The following CNTN5 variants were observed in gnomAD, a reference collection of about 807,000 sequenced individuals.
The protein encoded by CNTN5 is contactin-5.
CNTN5 carries 77 observed loss-of-function variants against 129.1 expected under a neutral mutation model. The observed-to-expected ratio is 0.60, with a 90% CI of 0.50 to 0.72. The LOEUF (loss-of-function observed/expected upper bound fraction) is 0.72, where lower values mean the gene tolerates loss of function less well. Among genes scored for constraint, CNTN5 ranks in the 30% least tolerant of loss-of-function variants. CNTN5 has a pLI of 0.00. For synonymous variants in CNTN5, 509 were observed against 465.6 expected, an observed-to-expected ratio of 1.09 and a Z score of -1.20; for missense variants, 1,478 against 1,328.8, an observed-to-expected ratio of 1.11 and a Z score of -1.75.
intron 7 of CNTN5, among the ~76,000 whole-genome samples, chr11:99,917,331 G>A (rs1949818785): frequency 6.6e-6 from 1 of 151,944 alleles, no homozygotes; most frequent in Admixed American, 6.6e-5. Context: ...ATCTATTCTT[G>A]CCTGCATCTA....
At chr11:99,481,466 C>A (rs1945598789) in intron 2 of CNTN5, among the ~76,000 whole-genome samples, 1 of 152,084 alleles carries the variant, frequency 6.6e-6, no homozygotes, top group African/African-American at 2.4e-5. Flanking sequence ...TCCCTAGCAT[C>A]CTGCACTGGT....
intron 2 of CNTN5, among the ~76,000 whole-genome samples, chr11:99,532,522 T>C (rs376763257): frequency 2.9e-4 from 44 of 152,212 alleles, no homozygotes; most frequent in African/African-American, 9.6e-4. Context: ...TGATATGGGT[T>C]GGCCATGTCT....
chr11:99,128,215 G>A (rs1166130671), intron 1 of CNTN5, among the ~76,000 whole-genome samples: 2 of 152,192 alleles, frequency 1.3e-5, no homozygotes, highest in Non-Finnish European at 2.9e-5. Flanking sequence ...GGCCAGCACA[G>A]CAGCCTGGAG....
chr11:99,626,185 C>T (rs556878632), intron 3 of CNTN5, among the ~76,000 whole-genome samples: 31 of 151,946 alleles, frequency 2.0e-4, no homozygotes, highest in African/African-American at 6.3e-4. Context: ...ACATTGAGCC[C>T]GGCTCTATGG....
At chr11:99,228,576 AC>A (rs1359680684) in intron 1 of CNTN5, among the ~76,000 whole-genome samples, 1 of 152,124 alleles carries the variant, frequency 6.6e-6, no homozygotes, top group Non-Finnish European at 1.5e-5. Flanking sequence ...TGTGTGTGTA[AC>A]AAAATGTTAC....
At chr11:99,856,818 A>AT (rs1287406648) in intron 6 of CNTN5, among the ~76,000 whole-genome samples, 2 of 152,230 alleles carry the variant, frequency 1.3e-5, no homozygotes, top group South Asian at 2.1e-4. Context: ...GGACTCTGTC[A>AT]TTTTTCCAGA....
rs1411056695 is a variant in CNTN5, at chr11:99,999,045, T to C, written c.878-2989T>C. Among the ~76,000 whole-genome samples, 76 of 151,972 alleles carry C rather than the reference T, an allele frequency of 5.0e-4. 2 individuals carry two copies. Among genetic ancestry groups the C allele is most frequent in the Admixed American group, 4.9e-3 (75 of 15,254 alleles). The stretch of plus-strand genomic sequence containing the variant: ...TACTTAAACGTTAGACCTAAAACCA[T>C]AAAAACCCTAGAAGAAAACCTAGGC... On this transcript the variant is annotated intron_variant, in intron 8 of 24. Transcript: ENST00000524871.
intron 3 of CNTN5, among the ~76,000 whole-genome samples, chr11:99,701,960 A>G (rs1369219321): frequency 6.6e-6 from 1 of 151,092 alleles, no homozygotes; most frequent in African/African-American, 2.4e-5. Flanking sequence ...ATTGCTTAAT[A>G]CCAATTAATT....
rs752374605 is a variant in CNTN5, at chr11:99,583,533, C to G, written c.55+27264C>G. 5.4e-4 allele frequency among the ~76,000 whole-genome samples: 82 copies of G among 152,322 alleles called. 1 individual carries two copies. The highest frequency in any genetic ancestry group is 9.1e-4 in the Non-Finnish European group (62 of 68,024). On this transcript the variant is annotated intron_variant, in intron 3 of 24. Coordinates refer to ENST00000524871, the MANE Select transcript of CNTN5 (RefSeq NM_014361.4). The stretch of plus-strand genomic sequence containing the variant: ...TCAAGCCTGAGCAATGGTGGGTGCC[C>G]CTCCCCCAGCCTCGCTGCCTCCTTG...
At chr11:99,967,765 G>C (rs1951134123) in intron 8 of CNTN5, among the ~76,000 whole-genome samples, 2 of 152,082 alleles carry the variant, frequency 1.3e-5, no homozygotes, top group Admixed American at 6.6e-5. Context: ...CCCTGTAACA[G>C]TGTTGCTTCC....
chr11:99,970,629 A>T (rs1052880414), intron 8 of CNTN5, among the ~76,000 whole-genome samples: 2 of 152,202 alleles, frequency 1.3e-5, no homozygotes, highest in African/African-American at 2.4e-5. Context: ...TTAACACAGT[A>T]CTTATCCTAT....
At chr11:99,626,171 G>A (rs1260933407) in intron 3 of CNTN5, among the ~76,000 whole-genome samples, 5 of 151,884 alleles carry the variant, frequency 3.3e-5, no homozygotes, top group Admixed American at 3.3e-4. Context: ...ATGCACAGAG[G>A]GTGACATTGA....
chr11:99,209,238 C>T (rs1859641745), intron 1 of CNTN5, among the ~76,000 whole-genome samples: 1 of 147,864 alleles, frequency 6.8e-6, no homozygotes, highest in South Asian at 2.1e-4. Context: ...TTAGGCCATT[C>T]TTGCCTTGCT....
intron 1 of CNTN5, among the ~76,000 whole-genome samples, chr11:99,258,283 C>A (rs1862470529): frequency 6.6e-6 from 1 of 151,976 alleles, no homozygotes; most frequent in South Asian, 2.1e-4. Context: ...AGTTATTTTT[C>A]CTGATCCTCA....
chr11:100,042,331 T>G (rs1942430548), intron 9 of CNTN5, among the ~76,000 whole-genome samples: 1 of 152,090 alleles, frequency 6.6e-6, no homozygotes, highest in Non-Finnish European at 1.5e-5. Context: ...AGAAAAGTTA[T>G]AAAACTTGGT....
At chr11:99,408,903 A>T (rs1565558489) in intron 2 of CNTN5, among the ~76,000 whole-genome samples, 3 of 152,206 alleles carry the variant, frequency 2.0e-5, no homozygotes. Context: ...TGTTGTTAAG[A>T]TCATTTTAAA....
intron 3 of CNTN5, among the ~76,000 whole-genome samples, chr11:99,735,473 G>C (rs1369088512): frequency 6.6e-6 from 1 of 152,116 alleles, no homozygotes; most frequent in Non-Finnish European, 1.5e-5. Flanking sequence ...ACCATAAGAA[G>C]ATTGAACAAT....
chr11:99,935,738 G>GA (rs1458870081), intron 7 of CNTN5, among the ~76,000 whole-genome samples: 2 of 152,082 alleles, frequency 1.3e-5, no homozygotes, highest in Non-Finnish European at 2.9e-5. Context: ...AACAATATAA[G>GA]TTAGCCTCAC....
At chr11:99,934,912 A>G (rs1250045536) in intron 7 of CNTN5, among the ~76,000 whole-genome samples, 9,546 of 21,400 alleles carry the variant, frequency 0.45, 806 homozygotes, top group East Asian at 0.6. Flanking sequence ...ATATATATAT[A>G]TATATATATA....
Sources: gnomAD v4.1 joint callset for allele counts (sites outside exome capture counted in the v4.1 genomes callset) on GRCh38, gnomAD v4.1.1 for gene constraint, MANE v1.5 for transcripts, NCBI Gene and HGNC (gene_info 2026-07-23, HGNC 2026-07-21) for gene names.